CTIF: variants seen among roughly 807,000 people sequenced by gnomAD.
The protein encoded by CTIF is CBP80/20-dependent translation initiation factor.
A neutral mutation model predicts 66.0 loss-of-function variants in CTIF; 21 were observed. The observed-to-expected ratio is 0.32, with a 90% CI of 0.23 to 0.46. CTIF has a LOEUF of 0.46. Ranked by LOEUF, CTIF falls within the 20% of genes least tolerant of loss-of-function variation. The pLI is 1.00. For missense variants in CTIF, 739 were observed against 812.7 expected, an observed-to-expected ratio of 0.91 and a Z score of 1.10; for synonymous variants, 345 against 326.4, an observed-to-expected ratio of 1.06 and a Z score of -0.62.
chr18:48,837,207 A>G (rs2068831334), intron 10 of CTIF, among the ~76,000 whole-genome samples: 1 of 152,094 alleles, frequency 6.6e-6, no homozygotes, highest in Non-Finnish European at 1.5e-5. Context: ...CAACAGCCTC[A>G]TGGTCTCGGA....
rs2090455007 is a variant in CTIF, at chr18:48,619,531, C to T, written c.-28-7C>T. 1 of 1,427,658 alleles carries T rather than the reference C, an allele frequency of 7.0e-7. No homozygotes were observed. The highest frequency in any genetic ancestry group is 1.6e-5 in the South Asian group (1 of 61,462). 88.4% of individuals were successfully genotyped at this position (1,427,658 alleles called of 1,614,324 possible). A position where few individuals can be genotyped will look rare whatever the true frequency, so the allele number is the denominator to read the frequency against. ...CTCACGGAGTTCTCTGTCCTCTTTCCCACCAGTCCCGGCCCAGGCCCCTGA... is the reference window on the plus strand; with the variant it reads ...CTCACGGAGTTCTCTGTCCTCTTTCTCACCAGTCCCGGCCCAGGCCCCTGA... On this transcript the variant is annotated splice_polypyrimidine_tract_variant and splice_region_variant and intron_variant, in intron 1 of 11. Transcript: ENST00000256413.
chr18:48,778,175 C>T (rs1441931692), intron 9 of CTIF, among the ~76,000 whole-genome samples: 1 of 152,148 alleles, frequency 6.6e-6, no homozygotes, highest in Admixed American at 6.5e-5. Flanking sequence ...AATGTCTGTG[C>T]ACAGCATGGG....
intron 5 of CTIF, among the ~76,000 whole-genome samples, chr18:48,666,137 T>C (rs1191216954): frequency 6.6e-6 from 1 of 151,260 alleles, no homozygotes; most frequent in Non-Finnish European, 1.5e-5. Context: ...TTCTTGGTTT[T>C]TGTTTGTTTG....
intron 10 of CTIF, among the ~76,000 whole-genome samples, chr18:48,841,666 G>A (rs894438795): frequency 4.9e-5 from 7 of 142,400 alleles, no homozygotes; most frequent in Non-Finnish European, 9.3e-5. Flanking sequence ...TCGGGGGCCA[G>A]GCTGGTGGGC....
At chr18:48,680,680 A>G (rs2091725013) in intron 6 of CTIF, among the ~76,000 whole-genome samples, 1 of 152,206 alleles carries the variant, frequency 6.6e-6, no homozygotes, top group Non-Finnish European at 1.5e-5. Flanking sequence ...CCCTGAGCCA[A>G]TTTGGCGATG....
chr18:48,812,037 A>G (rs1003379027), intron 9 of CTIF, among the ~76,000 whole-genome samples: 1 of 152,216 alleles, frequency 6.6e-6, no homozygotes. Flanking sequence ...ATCTCAGCTC[A>G]CTGCCACCTC....
intron 9 of CTIF, among the ~76,000 whole-genome samples, chr18:48,766,827 C>T (rs1421555502): frequency 6.6e-6 from 1 of 152,260 alleles, no homozygotes. Flanking sequence ...GCCTCAGGCT[C>T]TTCTTGTCAT....
chr18:48,828,752 C>T (rs538289142), intron 10 of CTIF, among the ~76,000 whole-genome samples: 5 of 152,346 alleles, frequency 3.3e-5, no homozygotes, highest in East Asian at 1.9e-4. Flanking sequence ...GGGCCCAGCA[C>T]GAGCTATAAA....
chr18:48,664,009 A>G (rs1180903312), intron 4 of CTIF, among the ~76,000 whole-genome samples, 184 bp downstream of exon 4: 1 of 152,182 alleles, frequency 6.6e-6, no homozygotes, highest in Non-Finnish European at 1.5e-5. Flanking sequence ...AACGGGAGAC[A>G]GTGGAGGCAT....
chr18:48,609,096 G>A (rs543169496), intron 1 of CTIF, among the ~76,000 whole-genome samples: 1 of 152,328 alleles, frequency 6.6e-6, no homozygotes, highest in South Asian at 2.1e-4. Flanking sequence ...TACCTTCAGA[G>A]TCCACAGAAG....
chr18:48,793,169 GGATCCCCTT>G (rs2067830943), intron 9 of CTIF, among the ~76,000 whole-genome samples: 1 of 152,106 alleles, frequency 6.6e-6, no homozygotes, highest in South Asian at 2.1e-4. Context: ...CCCCTCCCTG[GGATCCCCTT>G]GCAGGCTAGC....
Position 48,848,167 on chromosome 18 carries a change from C to T in CTIF, c.1528-9421C>T, listed in dbSNP as rs553873826. ...TGTGTGCCCATTTCTGTGGCTTCCT[C>T]CGCCACCACGGCCTTTACCCGTCAC... On this transcript the variant is annotated intron_variant, in intron 10 of 11. Coordinates refer to ENST00000256413, the MANE Select transcript of CTIF (RefSeq NM_014772.3). Among the ~76,000 whole-genome samples, 8 of 152,334 alleles carry T rather than the reference C, an allele frequency of 5.3e-5. No individual in the cohort carries two copies. In the South Asian group the frequency reaches 1.7e-3, roughly 32 times the overall value.
chr18:48,635,328 T>TTTC (rs2090797392), intron 2 of CTIF, among the ~76,000 whole-genome samples: 1 of 96,678 alleles, frequency 1.0e-5, no homozygotes, highest in African/African-American at 5.8e-5. Flanking sequence ...TTTTTCTTTC[T>TTTC]TTTTTTTTTT....
chr18:48,562,110 G>GT (rs915598380), intron 1 of CTIF, among the ~76,000 whole-genome samples: 44 of 152,062 alleles, frequency 2.9e-4, no homozygotes, highest in Middle Eastern at 3.4e-3. Context: ...TAGCCATACT[G>GT]TTTTTTTTCT....
intron 3 of CTIF, among the ~76,000 whole-genome samples, chr18:48,659,156 C>A (rs1397286533): frequency 6.6e-6 from 1 of 152,148 alleles, no homozygotes; most frequent in Non-Finnish European, 1.5e-5. Flanking sequence ...TTGAAACAAA[C>A]CCCAAGGAGG....
intron 1 of CTIF, among the ~76,000 whole-genome samples, chr18:48,598,499 G>C (rs1163816855): frequency 6.6e-6 from 1 of 152,190 alleles, no homozygotes; most frequent in Non-Finnish European, 1.5e-5. Context: ...ATGCAGCAGG[G>C]CCTGCTGAGG....
intron 9 of CTIF, among the ~76,000 whole-genome samples, chr18:48,792,707 A>G (rs917793387): frequency 1.3e-5 from 2 of 152,140 alleles, no homozygotes; most frequent in East Asian, 1.9e-4. Flanking sequence ...CGTAGGTGCA[A>G]AAGAATGTTG....
chr18:48,803,479 C>A (rs2068085485), intron 9 of CTIF, among the ~76,000 whole-genome samples: 1 of 152,186 alleles, frequency 6.6e-6, no homozygotes, highest in South Asian at 2.1e-4. Flanking sequence ...CAGCAATCAC[C>A]CAGTACATCG....
intron 1 of CTIF, among the ~76,000 whole-genome samples, chr18:48,605,761 C>T (rs556869287): frequency 2.6e-5 from 4 of 152,250 alleles, no homozygotes; most frequent in Non-Finnish European, 5.9e-5. Flanking sequence ...ATGGGCCTCT[C>T]GGAGGGAGCC....
Sources: gnomAD v4.1 joint callset for allele counts (sites outside exome capture counted in the v4.1 genomes callset) on GRCh38, gnomAD v4.1.1 for gene constraint, MANE v1.5 for transcripts, NCBI Gene and HGNC (gene_info 2026-07-23, HGNC 2026-07-21) for gene names.